The following GRIK4 variants were observed in gnomAD, a reference collection of about 807,000 sequenced individuals.
GRIK4 encodes glutamate ionotropic receptor kainate type subunit 4.
Under a neutral mutation model 104.9 loss-of-function variants are expected in GRIK4, and 40 were observed. That is an observed-to-expected ratio of 0.38 (90% confidence interval 0.30 to 0.50). The LOEUF is 0.50. Among genes scored for constraint, GRIK4 ranks in the 20% least tolerant of loss-of-function variants. The pLI is 0.93. For synonymous variants in GRIK4, 485 were observed against 524.9 expected, an observed-to-expected ratio of 0.92 and a Z score of 1.04; for missense variants, 1,047 against 1,308.1, an observed-to-expected ratio of 0.80 and a Z score of 3.08.
chr11:120,895,567 C>T (rs959145018), intron 11 of GRIK4, among the ~76,000 whole-genome samples: 1 of 152,142 alleles, frequency 6.6e-6, no homozygotes, highest in Non-Finnish European at 1.5e-5. Context: ...CCCCGGTTAG[C>T]CTGGCCTGCT....
In GRIK4 at chr11:120,660,326, G is replaced by C. The variant is rs773499648; in HGVS notation, c.8G>C (p.Arg3Pro). Residue 3 changes from arginine (R) to proline (P), a missense_variant, in exon 3 of 21, where the codon CGC becomes CCC. Transcript: ENST00000527524. ...CATGAGGATTCATAGAAGATGCCCC[G>C]CGTCTCGGCGCCTTTGGTGCTGCTT... is the stretch of plus-strand genomic sequence containing the variant. The part of the protein sequence containing the change: MP[R>P]VSAPLVLLPA... 6.2e-7 allele frequency: 1 copy of C among 1,612,742 alleles called. No individual in the cohort carries two copies. The highest frequency in any genetic ancestry group is 2.2e-5 in the East Asian group (1 of 44,866).
chr11:120,926,958 C>T (rs1943360444), intron 13 of GRIK4, among the ~76,000 whole-genome samples: 1 of 152,182 alleles, frequency 6.6e-6, no homozygotes, highest in Non-Finnish European at 1.5e-5. Context: ...GGGAAGGCTG[C>T]ATTGATGGCA....
Position 120,623,256 on chromosome 11 carries a change from G to A in GRIK4, c.-158-30429G>A, listed in dbSNP as rs149630710. Among the ~76,000 whole-genome samples, 992 of 151,936 alleles carry A rather than the reference G, an allele frequency of 6.5e-3. 7 individuals are homozygous for A. The highest frequency in any genetic ancestry group is 0.011 in the Non-Finnish European group (781 of 67,966). On this transcript the variant is annotated intron_variant, in intron 1 of 20. Transcript: ENST00000527524. The stretch of plus-strand genomic sequence containing the variant: ...CTCCTGGGCTCAGGTGATCCTCCCC[G>A]CTCAGCCTCCAAGTAGCTGGGGCTA...
chr11:120,953,097 CAGG>C lies in GRIK4; in HGVS notation c.1700+136_1700+138del, dbSNP rs965673543. 3.1e-6 allele frequency: 2 copies of C among 642,178 alleles called. No individual in the cohort carries two copies. The highest frequency in any genetic ancestry group is 1.9e-5 in the South Asian group (1 of 53,338). 39.8% of individuals were successfully genotyped at this position (642,178 alleles called of 1,614,324 possible). A position where few individuals can be genotyped will look rare whatever the true frequency, so the allele number is the denominator to read the frequency against. On this transcript the variant is annotated intron_variant, in intron 15 of 20. Transcript: ENST00000527524. This position sits in a 1 kb window ranked among gnomAD's most constrained non-coding sequence, Gnocchi z 4.9. The stretch of plus-strand genomic sequence containing the variant: ...AGATCTTGGTGCCAAACTAGAAGGA[CAGG>C]AGAAGGACTGGGGGCCTGAAATGCT...
chr11:120,728,734 A>G (rs1478235288), intron 3 of GRIK4, among the ~76,000 whole-genome samples: 1 of 152,186 alleles, frequency 6.6e-6, no homozygotes, highest in South Asian at 2.1e-4. Flanking sequence ...CATCCCCTCA[A>G]GCATTTATCC....
At chr11:120,966,693 A>G (rs1256753207) in intron 18 of GRIK4, among the ~76,000 whole-genome samples, 8 of 152,178 alleles carry the variant, frequency 5.3e-5, no homozygotes, top group Non-Finnish European at 1.2e-4. Flanking sequence ...ATTTAAATAA[A>G]GTAGAAATTG....
At position 120,549,852 on chromosome 11, in the gene GRIK4, T is replaced by C. The variant is rs1467193982; in HGVS notation, c.-159+37965T>C. Among the ~76,000 whole-genome samples the C allele has an allele frequency of 2.6e-5, 4 of 152,178 alleles. No individual in the cohort carries two copies. Among genetic ancestry groups the C allele is most frequent in the African/African-American group, 9.7e-5 (4 of 41,432 alleles). ...GTCTATGCAGCCCCTTTGTGGCCCT[T>C]AGAAAAAGGCTATGCTGGATGTTGA... is the stretch of plus-strand genomic sequence containing the variant. On this transcript the variant is annotated intron_variant, in intron 1 of 20. Coordinates refer to ENST00000527524, the MANE Select transcript of GRIK4 (RefSeq NM_014619.5). This position sits in a 1 kb window ranked among gnomAD's most constrained non-coding sequence, Gnocchi z 4.7.
chr11:120,720,351 T>C lies in GRIK4; in HGVS notation c.82+59951T>C, dbSNP rs557256675. ...TAGACTGTTTTCTGCAGACATCCTT[T>C]GATGTGCGTTTGGCTGTGAGCAAAG... On this transcript the variant is annotated intron_variant, in intron 3 of 20. Coordinates refer to ENST00000527524, the MANE Select transcript of GRIK4 (RefSeq NM_014619.5). Among the ~76,000 whole-genome samples, 7 of 152,320 alleles carry C rather than the reference T, an allele frequency of 4.6e-5. No homozygotes were observed. In the South Asian group the frequency reaches 1.5e-3, roughly 32 times the overall value.
chr11:120,807,016 A>C (rs1952724537), intron 4 of GRIK4, among the ~76,000 whole-genome samples: 1 of 152,170 alleles, frequency 6.6e-6, no homozygotes, highest in African/African-American at 2.4e-5. Flanking sequence ...TGCATCTGAC[A>C]TCCCCCACCT....
intron 15 of GRIK4, among the ~76,000 whole-genome samples, chr11:120,954,649 C>A (rs1012322032): frequency 6.6e-6 from 1 of 152,184 alleles, no homozygotes; most frequent in East Asian, 1.9e-4. Flanking sequence ...GAGCTTTCAA[C>A]CAGCCCTGGG....
intron 3 of GRIK4, among the ~76,000 whole-genome samples, chr11:120,737,555 T>A (rs188473196): frequency 3.3e-5 from 5 of 152,176 alleles, no homozygotes; most frequent in African/African-American, 4.8e-5. Flanking sequence ...AGAAATTCCA[T>A]TGGGCAAACG....
At chr11:120,660,731 G>T (rs1186041005) in intron 3 of GRIK4, among the ~76,000 whole-genome samples, 8 of 152,222 alleles carry the variant, frequency 5.3e-5, no homozygotes, top group African/African-American at 1.9e-4. Flanking sequence ...TCCAAATCTA[G>T]GGCTGGAGAT....
chr11:120,794,501 A>T (rs1952472501), intron 3 of GRIK4, among the ~76,000 whole-genome samples: 1 of 152,132 alleles, frequency 6.6e-6, no homozygotes. Flanking sequence ...TAAGAAAGTT[A>T]AAACGAGGTT....
chr11:120,926,231 A>G (rs1188987757), intron 13 of GRIK4, among the ~76,000 whole-genome samples: 2 of 152,314 alleles, frequency 1.3e-5, no homozygotes, highest in East Asian at 1.9e-4. Context: ...CCTCAACTAT[A>G]TAAACACTGA....
chr11:120,900,813 C>G (rs1364068545), intron 12 of GRIK4, among the ~76,000 whole-genome samples: 1 of 152,170 alleles, frequency 6.6e-6, no homozygotes, highest in African/African-American at 2.4e-5. Flanking sequence ...CCCATCTCTG[C>G]TCAGCCTTAG....
chr11:120,634,123 G>A (rs1226111758), intron 1 of GRIK4, among the ~76,000 whole-genome samples: 1 of 152,194 alleles, frequency 6.6e-6, no homozygotes, highest in African/African-American at 2.4e-5. Context: ...CAGTGTGTGT[G>A]CAGATTAAGC....
intron 19 of GRIK4, among the ~76,000 whole-genome samples, chr11:120,978,300 AAGT>A (rs1161039303): frequency 6.6e-6 from 1 of 152,194 alleles, no homozygotes; most frequent in African/African-American, 2.4e-5. Flanking sequence ...TAAAACACAA[AAGT>A]AGTATACCTA....
At chr11:120,528,627 T>A (rs1252838652) in intron 1 of GRIK4, among the ~76,000 whole-genome samples, 2 of 152,158 alleles carry the variant, frequency 1.3e-5, no homozygotes, top group African/African-American at 4.8e-5. Flanking sequence ...GAAGTTACAG[T>A]TCCACGTGGC....
intron 1 of GRIK4, among the ~76,000 whole-genome samples, chr11:120,630,924 G>A (rs993387308): frequency 6.6e-6 from 1 of 152,166 alleles, no homozygotes; most frequent in Non-Finnish European, 1.5e-5. Context: ...CGATCTCTGG[G>A]TTCTTGGAGA....
Sources: allele counts gnomAD v4.1 joint callset (sites outside exome capture counted in the v4.1 genomes callset), GRCh38; gene constraint gnomAD v4.1.1; non-coding constraint Gnocchi (gnomAD v3.1); transcripts MANE v1.5; gene names NCBI Gene and HGNC (gene_info 2026-07-23, HGNC 2026-07-21).